WWP2: variants seen among roughly 807,000 people sequenced by gnomAD.
WWP2 encodes WW domain containing E3 ubiquitin protein ligase 2.
In WWP2, 57 loss-of-function variants were observed where a neutral mutation model predicts 121.0. The observed-to-expected ratio is 0.47, with a 90% confidence interval of 0.38 to 0.59. The LOEUF (loss-of-function observed/expected upper bound fraction) is 0.59. Among genes scored for constraint, WWP2 ranks in the 20% least tolerant of loss-of-function variants. WWP2 has a pLI of 0.00. For missense variants in WWP2, 962 were observed against 1,158.9 expected (o/e 0.83, Z 2.47); for synonymous variants, 449 against 441.3 (o/e 1.02, Z -0.22).
chr16:69,884,976 A>C (rs1597107552), intron 7 of WWP2, among the ~76,000 whole-genome samples: 1 of 152,296 alleles, frequency 6.6e-6, no homozygotes, highest in East Asian at 1.9e-4. Context: ...GAACTTTCTT[A>C]TTAATTGACA....
intron 6 of WWP2, among the ~76,000 whole-genome samples, chr16:69,861,697 G>A (rs1041572432): frequency 2.0e-5 from 3 of 151,338 alleles, no homozygotes; most frequent in African/African-American, 7.3e-5. Context: ...GAATTGAGGG[G>A]GGTGCAGGTG....
intron 8 of WWP2, among the ~76,000 whole-genome samples, chr16:69,897,311 C>T (rs2151947984): frequency 6.6e-6 from 1 of 152,204 alleles, no homozygotes; most frequent in South Asian, 2.1e-4. Context: ...CCGTGTTGCT[C>T]AGGCTGGTCT....
At chr16:69,918,278 AAAAAAC>A (rs1045806342) in intron 10 of WWP2, among the ~76,000 whole-genome samples, 3 of 152,172 alleles carry the variant, frequency 2.0e-5, no homozygotes, top group African/African-American at 4.8e-5. Context: ...TGTCTCTAAA[AAAAAAC>A]AAAAACAAAA....
At chr16:69,901,459 C>G (rs1204926249) in intron 8 of WWP2, among the ~76,000 whole-genome samples, 1 of 152,150 alleles carries the variant, frequency 6.6e-6, no homozygotes, top group Non-Finnish European at 1.5e-5. Flanking sequence ...GTCGCCCAGT[C>G]TGGGGTGCAG....
chr16:69,909,898 C>T (rs964108983), intron 9 of WWP2: 1 of 198,416 alleles, frequency 5.0e-6, no homozygotes, highest in African/African-American at 2.4e-5. Context: ...CTAGTCGGCA[C>T]ACTATGATGG....
intron 4 of WWP2, among the ~76,000 whole-genome samples, chr16:69,822,973 C>T (rs746263709): frequency 6.6e-6 from 1 of 152,092 alleles, no homozygotes; most frequent in Non-Finnish European, 1.5e-5. Flanking sequence ...TCCATCTTTA[C>T]TAAAAGTACA....
chr16:69,906,415 G>A (rs948823612), intron 8 of WWP2, among the ~76,000 whole-genome samples: 3 of 152,130 alleles, frequency 2.0e-5, no homozygotes, highest in Non-Finnish European at 4.4e-5. Flanking sequence ...GCTGATCAAT[G>A]CAGTCCACTA....
intron 6 of WWP2, among the ~76,000 whole-genome samples, chr16:69,859,555 C>CA (rs1439598922): frequency 9.6e-5 from 14 of 146,238 alleles, no homozygotes; most frequent in Middle Eastern, 3.5e-3. Context: ...GACCCTGTCT[C>CA]AAAAAAAAAG....
chr16:69,818,065 C>G (rs2056528642), intron 4 of WWP2, among the ~76,000 whole-genome samples: 1 of 152,084 alleles, frequency 6.6e-6, no homozygotes. Context: ...GTGCCACATA[C>G]CTGTTTCCCT....
At chr16:69,815,836 C>G (rs2056480170) in intron 4 of WWP2, among the ~76,000 whole-genome samples, 1 of 150,916 alleles carries the variant, frequency 6.6e-6, no homozygotes, top group Admixed American at 6.6e-5. Flanking sequence ...TATATTATGG[C>G]CTCAACACAT....
intron 16 of WWP2, chr16:69,932,976 G>A: frequency 4.3e-6 from 2 of 468,442 alleles, no homozygotes; most frequent in East Asian, 7.0e-5. Context: ...GTTCGGTGGT[G>A]GCGTTGCCTT....
At chr16:69,899,725 T>C (rs557123022) in intron 8 of WWP2, among the ~76,000 whole-genome samples, 9 of 16,304 alleles carry the variant, frequency 5.5e-4, no homozygotes, top group Non-Finnish European at 9.2e-4. Context: ...AGACTCCGTC[T>C]CAAAAAAAAA....
chr16:69,818,499 G>A (rs986926116), intron 4 of WWP2, among the ~76,000 whole-genome samples: 9 of 152,252 alleles, frequency 5.9e-5, no homozygotes, highest in Admixed American at 2.6e-4. Flanking sequence ...GAGCCACGGC[G>A]CCTGACCTCC....
At chr16:69,850,220 A>G (rs1348626039) in intron 6 of WWP2, among the ~76,000 whole-genome samples, 1 of 152,012 alleles carries the variant, frequency 6.6e-6, no homozygotes, top group East Asian at 1.9e-4. Context: ...CCCCGTCCCT[A>G]CTAAAAATAC....
chr16:69,912,392 C>T (rs1052176748), intron 9 of WWP2, among the ~76,000 whole-genome samples: 16 of 151,498 alleles, frequency 1.1e-4, no homozygotes, highest in Admixed American at 5.3e-4. Flanking sequence ...CACACACACA[C>T]ACACACACAC....
At chr16:69,822,142 C>T (rs2056605020) in intron 4 of WWP2, among the ~76,000 whole-genome samples, 1 of 152,142 alleles carries the variant, frequency 6.6e-6, no homozygotes, top group Non-Finnish European at 1.5e-5. Flanking sequence ...GCTGGAGTTA[C>T]AGGTATGAGC....
Position 69,937,316 on chromosome 16 carries a change from C to T in WWP2, c.2238+78C>T. The T allele has an allele frequency of 6.4e-7, 1 of 1,572,108 alleles. No individual in the cohort carries two copies. The highest frequency in any genetic ancestry group is 8.6e-7 in the Non-Finnish European group (1 of 1,158,254). On this transcript the variant is annotated intron_variant, in intron 20 of 23. Transcript: ENST00000359154. This position sits in a 1 kb window ranked among gnomAD's most constrained non-coding sequence, Gnocchi z 6.6. Reference sequence around the variant, plus strand: ...GCTCTGTGATACGCTCACTGTGTACCCACAGACACTCAGCGTAAAACTCCC... The same window carrying T: ...GCTCTGTGATACGCTCACTGTGTACTCACAGACACTCAGCGTAAAACTCCC...
chr16:69,891,425 T>G (rs1167846383), intron 8 of WWP2, among the ~76,000 whole-genome samples: 1 of 152,160 alleles, frequency 6.6e-6, no homozygotes, highest in African/African-American at 2.4e-5. Flanking sequence ...CAGAATGCCT[T>G]TATCTTTTAT....
At chr16:69,864,903 C>T (rs1435162705) in intron 6 of WWP2, among the ~76,000 whole-genome samples, 9 of 152,072 alleles carry the variant, frequency 5.9e-5, no homozygotes, top group South Asian at 2.1e-4. Flanking sequence ...TGAGCCACCA[C>T]GTCCAGCCTA....
Sources: allele counts gnomAD v4.1 joint callset (sites outside exome capture counted in the v4.1 genomes callset), GRCh38; gene constraint gnomAD v4.1.1; non-coding constraint Gnocchi (gnomAD v3.1); transcripts MANE v1.5; gene names NCBI Gene and HGNC (gene_info 2026-07-23, HGNC 2026-07-21).